DLGAP1: variants seen among roughly 807,000 people sequenced by gnomAD.
DLGAP1 encodes disks large-associated protein 1.
Under a neutral mutation model 90.8 loss-of-function variants are expected in DLGAP1, and 11 were observed. The ratio of observed to expected loss-of-function variants is 0.12; its 90% CI spans 0.08 to 0.20. The LOEUF is 0.20. Among genes scored for constraint, DLGAP1 ranks in the 10% least tolerant of loss-of-function variants. DLGAP1 has a pLI of 1.00. For missense variants in DLGAP1, 1,050 were observed against 1,333.8 expected, an observed-to-expected ratio of 0.79 and a Z score of 3.31; for synonymous variants, 558 against 540.7, an observed-to-expected ratio of 1.03 and a Z score of -0.44.
At chr18:4,053,550 T>C (rs1051734818) in intron 2 of DLGAP1, among the ~76,000 whole-genome samples, 3 of 152,238 alleles carry the variant, frequency 2.0e-5, no homozygotes, top group African/African-American at 7.2e-5. Flanking sequence ...GAATTAGAGT[T>C]CTCATGAGAT....
chr18:3,795,872 A>G (rs555267066), intron 5 of DLGAP1, among the ~76,000 whole-genome samples: 1 of 152,246 alleles, frequency 6.6e-6, no homozygotes, highest in South Asian at 2.1e-4. Context: ...CAAAACCCAC[A>G]AAAAAATTTG....
Position 3,517,819 on chromosome 18 carries a change from GAA to G in DLGAP1, c.2480-9160_2480-9159del, listed in dbSNP as rs57625422. Among the ~76,000 whole-genome samples, 3 of 141,910 alleles carry G rather than the reference GAA, an allele frequency of 2.1e-5. No homozygotes were observed. Among genetic ancestry groups the G allele is most frequent in the African/African-American group, 2.6e-5 (1 of 38,542 alleles). The allele number at this position is 141,910 out of a possible 152,430, so 93.1% of individuals were successfully genotyped here. On this transcript the variant is annotated intron_variant, in intron 10 of 12. Transcript: ENST00000315677. This position sits in a 1 kb window ranked among gnomAD's most constrained non-coding sequence, Gnocchi z 4.1. ...GCAACAAGAGAGAAACTCTGTCTCG[GAA>G]AAAAAAAAAAAAGAAGAGAGTCACA... is the stretch of plus-strand genomic sequence containing the variant.
At chr18:3,891,185 C>G (rs1457211466) in intron 3 of DLGAP1, among the ~76,000 whole-genome samples, 1 of 152,180 alleles carries the variant, frequency 6.6e-6, no homozygotes, top group Admixed American at 6.5e-5. Flanking sequence ...TACACTGTTT[C>G]CTCAGCTCTG....
intron 3 of DLGAP1, among the ~76,000 whole-genome samples, chr18:3,980,433 G>A (rs976855801): frequency 2.0e-5 from 3 of 152,146 alleles, no homozygotes; most frequent in East Asian, 1.9e-4. Flanking sequence ...AAGTGCTTAC[G>A]GCATTATAAT....
At chr18:3,631,064 T>A (rs1291805326) in intron 7 of DLGAP1, among the ~76,000 whole-genome samples, 1 of 152,176 alleles carries the variant, frequency 6.6e-6, no homozygotes, top group Non-Finnish European at 1.5e-5. Context: ...CATTGCATCC[T>A]CTGCCTGCTG....
chr18:4,305,919 T>C (rs1302190947), intron 1 of DLGAP1, among the ~76,000 whole-genome samples: 1 of 151,930 alleles, frequency 6.6e-6, no homozygotes, highest in Non-Finnish European at 1.5e-5. Context: ...ATTTTTTTTT[T>C]GTCAGAGGAA....
Position 3,786,121 on chromosome 18 carries a change from T to C in DLGAP1, c.1172+27938A>G, listed in dbSNP as rs144697890. 5.9e-5 allele frequency among the ~76,000 whole-genome samples: 9 copies of C among 152,318 alleles called. No homozygotes were observed. In the East Asian group the frequency reaches 1.7e-3, roughly 29 times the overall value. The stretch of plus-strand genomic sequence containing the variant: ...TATAAGATCCCTCAGATGACATTGA[T>C]CTCACTGGGATAATCTCTTCATCTC... On this transcript the variant is annotated intron_variant, in intron 5 of 12. Coordinates refer to ENST00000315677, the MANE Select transcript of DLGAP1 (RefSeq NM_004746.4).
At position 3,639,879 on chromosome 18, in the gene DLGAP1, G is replaced by C. The variant is rs369110015; in HGVS notation, c.1592-57631C>G. Among the ~76,000 whole-genome samples the C allele has an allele frequency of 2.0e-4, 27 of 135,958 alleles. 1 individual carries two copies. Among genetic ancestry groups the C allele is most frequent in the Admixed American group, 1.1e-3 (16 of 13,964 alleles). The allele number at this position is 135,958 out of a possible 152,430, so 89.2% of individuals were successfully genotyped here. ...ACGCCATTCTCCTGCCTCAGCCTTC[G>C]GAGCAGCTGGGACTACAGGCGCCCG... On this transcript the variant is annotated intron_variant, in intron 7 of 12. Transcript: ENST00000315677.
chr18:4,344,251 C>T (rs969959693), intron 1 of DLGAP1, among the ~76,000 whole-genome samples: 1 of 152,062 alleles, frequency 6.6e-6, no homozygotes, highest in Non-Finnish European at 1.5e-5. Flanking sequence ...TATTTAATCT[C>T]CACAATGATT....
intron 5 of DLGAP1, among the ~76,000 whole-genome samples, chr18:3,757,535 G>T (rs1020848394): frequency 3.9e-5 from 6 of 152,020 alleles, no homozygotes; most frequent in African/African-American, 1.5e-4. Flanking sequence ...ATACAAAAAG[G>T]ATTACACATG....
At chr18:4,086,197 C>G (rs1350977692) in intron 2 of DLGAP1, among the ~76,000 whole-genome samples, 1 of 152,008 alleles carries the variant, frequency 6.6e-6, no homozygotes, top group Non-Finnish European at 1.5e-5. Flanking sequence ...CTTTGGGAAG[C>G]TGCTGGATCA....
intron 3 of DLGAP1, among the ~76,000 whole-genome samples, chr18:3,918,159 A>G (rs2072188220): frequency 6.6e-6 from 1 of 152,224 alleles, no homozygotes; most frequent in African/African-American, 2.4e-5. Context: ...GGTTCTTGCA[A>G]TCATCTCTCT....
intron 5 of DLGAP1, among the ~76,000 whole-genome samples, chr18:3,806,565 T>G (rs2066572069): frequency 6.6e-6 from 1 of 152,230 alleles, no homozygotes; most frequent in Admixed American, 6.5e-5. Flanking sequence ...AGTGAGTGAT[T>G]GCATGAATAT....
chr18:4,219,771 T>G (rs531343408), intron 1 of DLGAP1, among the ~76,000 whole-genome samples: 1 of 152,256 alleles, frequency 6.6e-6, no homozygotes, highest in South Asian at 2.1e-4. Flanking sequence ...GGTACCTTTG[T>G]CAAAAATGAA....
intron 3 of DLGAP1, among the ~76,000 whole-genome samples, chr18:3,883,225 C>A (rs765793904): frequency 6.6e-6 from 1 of 152,210 alleles, no homozygotes; most frequent in Non-Finnish European, 1.5e-5. Context: ...ACCTGGGTGA[C>A]AGAGCAAGAT....
intron 5 of DLGAP1, among the ~76,000 whole-genome samples, chr18:3,745,485 G>T (rs114094330): frequency 1.1e-3 from 170 of 152,288 alleles, no homozygotes; most frequent in African/African-American, 4.0e-3. Flanking sequence ...TTGCAATGTT[G>T]CTATAATCTA....
intron 7 of DLGAP1, among the ~76,000 whole-genome samples, chr18:3,689,104 C>T (rs1191579225): frequency 6.6e-6 from 1 of 152,180 alleles, no homozygotes; most frequent in Non-Finnish European, 1.5e-5. Flanking sequence ...CACTAAAGCA[C>T]TGAATGAACG....
chr18:4,146,152 G>A (rs1206875390), intron 2 of DLGAP1, among the ~76,000 whole-genome samples: 1 of 152,146 alleles, frequency 6.6e-6, no homozygotes, highest in Admixed American at 6.5e-5. Context: ...CAAAACCGTG[G>A]TGGGATTCTG....
At chr18:4,355,160 C>T (rs1226998789) in intron 1 of DLGAP1, among the ~76,000 whole-genome samples, 5 of 152,078 alleles carry the variant, frequency 3.3e-5, no homozygotes, top group Non-Finnish European at 7.4e-5. Flanking sequence ...TTATGTGCAC[C>T]CAAGAATCTG....
Sources: allele counts gnomAD v4.1 joint callset (sites outside exome capture counted in the v4.1 genomes callset), GRCh38; gene constraint gnomAD v4.1.1; non-coding constraint Gnocchi (gnomAD v3.1); transcripts MANE v1.5; gene names NCBI Gene and HGNC (gene_info 2026-07-23, HGNC 2026-07-21).